NIN: variants seen among roughly 807,000 people sequenced by gnomAD.
The protein encoded by NIN is glycogen synthase kinase 3 beta-interacting protein.
NIN carries 137 observed loss-of-function variants against 257.6 expected under a neutral mutation model. The ratio of observed to expected loss-of-function variants is 0.53; its 90% CI spans 0.46 to 0.61. NIN has a LOEUF of 0.61. Ranked by LOEUF, NIN falls within the 20% of genes least tolerant of loss-of-function variation. The probability of loss-of-function intolerance (pLI) is 0.00; values close to 1 mark genes in which losing one functional copy is unlikely to be tolerated. For synonymous variants in NIN, 918 were observed against 919.8 expected (o/e 1.00, Z 0.04); for missense variants, 2,439 against 2,501.2 (o/e 0.98, Z 0.53).
At chr14:50,828,850 C>T (rs1011405570) in intron 2 of NIN, among the ~76,000 whole-genome samples, 7 of 152,182 alleles carry the variant, frequency 4.6e-5, no homozygotes, top group African/African-American at 1.4e-4. Context: ...TGACAGTTAA[C>T]ATCTTTTGAT....
In NIN at chr14:50,757,005, C is replaced by T. The variant is rs372740881; in HGVS notation, c.4025G>A (p.Arg1342Gln). The T allele has an allele frequency of 6.8e-6, 11 of 1,612,812 alleles. No individual in the cohort carries two copies. The highest frequency in any genetic ancestry group is 1.3e-5 in the African/African-American group (1 of 74,814). The change falls in exon 18 of 31, where the codon CGG becomes CAG. Residue 1342 changes from arginine (R) to glutamine (Q), a missense_variant. Coordinates refer to ENST00000530997, the MANE Select transcript of NIN (RefSeq NM_020921.4). ...IEKLQESVVQ[R>Q]CDCCLWEASL... is the part of the protein sequence containing the mutation. ...GGCTTCCCATAAGCAGCAGTCACAC[C>T]GCTGGACCACGCTTTCCTGAAGCTT...
chr14:50,756,624 T>C lies in NIN; in HGVS notation c.4406A>G (p.Lys1469Arg). ...CTTAACTAAAATAGTGACTCTCTCC[T>C]TCAACTTCCTAGTCAGCTCCTGTAA... Reference protein sequence around the residue: ...TKLQELTRKLKERVTILVKQK... With the variant: ...TKLQELTRKLRERVTILVKQK... Residue 1469 changes from lysine to arginine, a missense_variant, in exon 18 of 31, where the codon AAG (lysine) becomes AGG (arginine). By Grantham distance (26) the Lys-to-Arg change is conservative (BLOSUM62 2). Around this residue, in one of 3 missense-constraint regions of NIN, gnomAD observed 2,043 missense variants for 2,050.2 expected, o/e 1.00. Transcript: ENST00000530997. 1 of 1,565,712 alleles carries C rather than the reference T, an allele frequency of 6.4e-7. No homozygotes were observed. The highest frequency in any genetic ancestry group is 1.2e-5 in the South Asian group (1 of 85,964).
Position 50,729,726 on chromosome 14 carries a change from G to T in NIN, c.5878-3C>A. 6.3e-7 allele frequency: 1 copy of T among 1,592,946 alleles called. No homozygotes were observed. The highest frequency in any genetic ancestry group is 1.1e-5 in the South Asian group (1 of 87,818). ...GCAGTGGACCTCAGGTGCTGCATCT[G>T]AAGGACAAGGGCAAAGCCCTGTTCA... On this transcript the variant is annotated splice_region_variant and splice_polypyrimidine_tract_variant and intron_variant, in intron 28 of 30. Transcript: ENST00000530997.
At chr14:50,744,513 T>A in intron 22 of NIN, 148 bp from the exon 23 acceptor site, 1 of 800,320 alleles carries the variant, frequency 1.2e-6, no homozygotes, top group Non-Finnish European at 1.9e-6. Context: ...GAGACTATAA[T>A]AAACTTCAAG....
chr14:50,810,230 CAA>C (rs57511926), intron 3 of NIN, among the ~76,000 whole-genome samples: 13 of 73,062 alleles, frequency 1.8e-4, no homozygotes, highest in South Asian at 8.9e-4. Context: ...GACTCCGTCT[CAA>C]AAAAAAAAAA....
chr14:50,808,821 G>A (rs981391049), intron 3 of NIN, among the ~76,000 whole-genome samples: 12 of 152,198 alleles, frequency 7.9e-5, no homozygotes, highest in African/African-American at 2.9e-4. Context: ...ATTGGGTAAA[G>A]TATCAAGAAT....
chr14:50,761,190 C>A (rs1279681452), intron 16 of NIN, among the ~76,000 whole-genome samples: 1 of 152,090 alleles, frequency 6.6e-6, no homozygotes, highest in Non-Finnish European at 1.5e-5. Flanking sequence ...GGAAAAAAAT[C>A]ACATTTTAGT....
chr14:50,806,205 T>A (rs2044319662), intron 4 of NIN: 1 of 152,220 alleles, frequency 6.6e-6, no homozygotes, highest in African/African-American at 2.4e-5. Flanking sequence ...ATTGAATACT[T>A]ACTACATGCT....
In NIN at chr14:50,806,795, T is replaced by G. The variant is rs1182708487; in HGVS notation, c.207A>C (p.Glu69Asp). Residue 69 changes from glutamate to aspartate, a missense_variant, in exon 4 of 31, where the codon GAA (glutamate) becomes GAC (aspartate). Physicochemically the swap from Glu to Asp is conservative, Grantham distance 45. Transcript: ENST00000530997. ...LGRVHFDQFKEALILILSRTL... is the reference protein window; with the variant it reads ...LGRVHFDQFKDALILILSRTL... ...TTCTGGACAAGATGAGTATTAATGC[T>G]TCTTTAAATTGGTCAAAATGTACCT... 1 of 1,560,042 alleles carries G rather than the reference T, an allele frequency of 6.4e-7. No individual in the cohort carries two copies. Among genetic ancestry groups the G allele is most frequent in the South Asian group, 1.1e-5 (1 of 88,220 alleles).
intron 6 of NIN, 83 bp downstream of exon 6, chr14:50,778,682 C>G: frequency 8.5e-7 from 1 of 1,180,106 alleles, no homozygotes; most frequent in South Asian, 1.2e-5. Flanking sequence ...TGGCCTGCAG[C>G]ATAAGAGATC....
At chr14:50,798,883 A>G (rs2043959263) in intron 4 of NIN, among the ~76,000 whole-genome samples, 1 of 152,200 alleles carries the variant, frequency 6.6e-6, no homozygotes, top group Non-Finnish European at 1.5e-5. Flanking sequence ...GGTTCAAGCG[A>G]TTCTCCTGCC....
chr14:50,727,274 G>A (rs765424554), intron 29 of NIN: 47 of 974,160 alleles, frequency 4.8e-5, no homozygotes, highest in Non-Finnish European at 5.5e-5. Context: ...AAAATTTCCT[G>A]TCAAAAAGAT....
In NIN at chr14:50,760,267, G is replaced by A. The variant is rs557582869; in HGVS notation, c.1989C>T (p.His663=). 4.3e-6 allele frequency: 7 copies of A among 1,610,938 alleles called. No homozygotes were observed. Among genetic ancestry groups the A allele is most frequent in the Middle Eastern group, 1.7e-4 (1 of 6,060 alleles). ...NMKQRHENET[H]TLEKQISDLK... Reference sequence around the variant, plus strand: ...GGTCACTTATTTGTTTTTCTAAGGTGTGCGTTTCGTTCTCATGCCTTTGCT... The same window carrying A: ...GGTCACTTATTTGTTTTTCTAAGGTATGCGTTTCGTTCTCATGCCTTTGCT... The change falls in exon 17 of 31, where the codon CAC becomes CAT. Residue 663 remains histidine, a synonymous_variant. Coordinates refer to ENST00000530997, the MANE Select transcript of NIN (RefSeq NM_020921.4).
chr14:50,772,055 G>A (rs2042758610), intron 9 of NIN: 1 of 412,594 alleles, frequency 2.4e-6, no homozygotes, highest in Non-Finnish European at 4.4e-6. Context: ...ATCTGGCCCT[G>A]TAAATAAACA....
chr14:50,831,223 G>C (rs573367835), upstream of NIN: 12 of 151,576 alleles, frequency 7.9e-5, no homozygotes, highest in East Asian at 2.3e-3. Flanking sequence ...CCTCCTCTGC[G>C]GCCCGCGCGG....
chr14:50,812,042 C>G (rs2142292762), intron 3 of NIN, among the ~76,000 whole-genome samples: 1 of 152,190 alleles, frequency 6.6e-6, no homozygotes, highest in South Asian at 2.1e-4. Context: ...ATCGCTTAAA[C>G]CCAGGAGGTG....
intron 3 of NIN, among the ~76,000 whole-genome samples, chr14:50,813,371 C>T (rs2044729133): frequency 6.6e-6 from 1 of 152,266 alleles, no homozygotes; most frequent in East Asian, 1.9e-4. Flanking sequence ...CATTCCTATA[C>T]CTTGTATGCC....
Position 50,722,979 on chromosome 14 carries a change from T to G in NIN, c.*484A>C, listed in dbSNP as rs2040298510. On this transcript the variant is annotated 3_prime_UTR_variant, in exon 31 of 31. Transcript: ENST00000530997. Reference sequence around the variant, plus strand: ...TGCCTCCTAACCAATTATACTCTACTAATTGTCTACCAATTCAAAGAACCA... The same window carrying G: ...TGCCTCCTAACCAATTATACTCTACGAATTGTCTACCAATTCAAAGAACCA... 2 of 215,116 alleles carry G rather than the reference T, an allele frequency of 9.3e-6. No individual in the cohort carries two copies. The highest frequency in any genetic ancestry group is 3.5e-4 in the South Asian group (2 of 5,780). 13.3% of individuals were successfully genotyped at this position (215,116 alleles called of 1,614,324 possible). A position where few individuals can be genotyped will look rare whatever the true frequency, so the allele number is the denominator to read the frequency against.
intron 6 of NIN, 50 bp from the exon 7 acceptor site, chr14:50,777,189 G>A (rs745722995): frequency 2.0e-5 from 28 of 1,402,474 alleles, no homozygotes; most frequent in Non-Finnish European, 2.7e-5. Context: ...TGCAAAGAGA[G>A]AGTGCCTATT....
Sources: allele counts gnomAD v4.1 joint callset (sites outside exome capture counted in the v4.1 genomes callset), GRCh38; gene constraint gnomAD v4.1.1; regional missense constraint gnomAD v4.1.1; transcripts MANE v1.5; gene names NCBI Gene and HGNC (gene_info 2026-07-23, HGNC 2026-07-21).